The following CTIF variants were observed in gnomAD, a reference collection of about 807,000 sequenced individuals.
CTIF encodes cap binding complex dependent translation initiation factor.
CTIF carries 21 observed loss-of-function variants against 66.0 expected under a neutral mutation model. The ratio of observed to expected loss-of-function variants is 0.32; its 90% confidence interval spans 0.23 to 0.46. The LOEUF (loss-of-function observed/expected upper bound fraction) is 0.46, where lower values mean the gene tolerates loss of function less well. Among genes scored for constraint, CTIF ranks in the 20% least tolerant of loss-of-function variants. The pLI is 1.00. For missense variants in CTIF, 739 were observed against 812.7 expected, an observed-to-expected ratio of 0.91 and a Z score of 1.10; for synonymous variants, 345 against 326.4, an observed-to-expected ratio of 1.06 and a Z score of -0.62.
At chr18:48,638,143 A>C (rs1164109162) in intron 3 of CTIF, among the ~76,000 whole-genome samples, 2 of 152,158 alleles carry the variant, frequency 1.3e-5, no homozygotes, top group African/African-American at 4.8e-5. Context: ...CCTGCTCCTC[A>C]GGGGCACTGT....
At chr18:48,781,356 C>A (rs1055150544) in intron 9 of CTIF, among the ~76,000 whole-genome samples, 3 of 152,256 alleles carry the variant, frequency 2.0e-5, no homozygotes, top group Admixed American at 2.0e-4. Flanking sequence ...AGAGACTCGG[C>A]GTCACAGTCT....
intron 7 of CTIF, among the ~76,000 whole-genome samples, chr18:48,725,137 C>T (rs569966639): frequency 5.9e-5 from 9 of 152,342 alleles, no homozygotes; most frequent in Admixed American, 5.9e-4. Context: ...ACTGGCTCTG[C>T]ATGTCAGGGA....
chr18:48,652,160 G>A (rs976302853), intron 3 of CTIF, among the ~76,000 whole-genome samples: 18 of 151,072 alleles, frequency 1.2e-4, no homozygotes, highest in South Asian at 4.2e-4. Flanking sequence ...AGATAGAGAC[G>A]CAAAAAACCC....
chr18:48,842,402 A>G (rs2068966488), intron 10 of CTIF, among the ~76,000 whole-genome samples: 1 of 152,124 alleles, frequency 6.6e-6, no homozygotes, highest in South Asian at 2.1e-4. Flanking sequence ...TGTGGGTGGG[A>G]GTGCTAGAGG....
At chr18:48,562,841 C>T (rs1368409681) in intron 1 of CTIF, among the ~76,000 whole-genome samples, 1 of 152,120 alleles carries the variant, frequency 6.6e-6, no homozygotes, top group African/African-American at 2.4e-5. Flanking sequence ...GTTGCCATGC[C>T]CCACACAAAT....
At chr18:48,619,937 C>A (rs567306159) in intron 2 of CTIF, among the ~76,000 whole-genome samples, 192 bp downstream of exon 2, 6 of 152,174 alleles carry the variant, frequency 3.9e-5, no homozygotes, top group Admixed American at 1.3e-4. Context: ...CTGTGCACCC[C>A]GTCCCTCTAA....
chr18:48,779,900 C>T (rs1911050528), intron 9 of CTIF, among the ~76,000 whole-genome samples: 1 of 152,206 alleles, frequency 6.6e-6, no homozygotes, highest in Non-Finnish European at 1.5e-5. Context: ...GTGCTGGAGG[C>T]TGCAGCTCTG....
chr18:48,846,243 GCTTTTTTA>G (rs1246648037), intron 10 of CTIF, among the ~76,000 whole-genome samples: 1 of 151,992 alleles, frequency 6.6e-6, no homozygotes, highest in Admixed American at 6.5e-5. Flanking sequence ...CACATTTTTT[GCTTTTTTA>G]CATCTTTCTC....
intron 9 of CTIF, among the ~76,000 whole-genome samples, chr18:48,802,880 C>A (rs1374185628): frequency 2.0e-5 from 3 of 152,242 alleles, no homozygotes; most frequent in Non-Finnish European, 2.9e-5. Context: ...TATTCTTCAT[C>A]TGTCAGACAA....
intron 2 of CTIF, chr18:48,621,547 G>C (rs544753882): frequency 1.6e-3 from 625 of 390,558 alleles, no homozygotes; most frequent in Non-Finnish European, 2.3e-3. Context: ...CTAGAGACCA[G>C]TGAGGCAGGA....
chr18:48,621,954 G>A (rs2090501228), intron 2 of CTIF, among the ~76,000 whole-genome samples: 1 of 152,204 alleles, frequency 6.6e-6, no homozygotes, highest in Non-Finnish European at 1.5e-5. Flanking sequence ...GGAGGGAGTG[G>A]CAGGTGTGGG....
chr18:48,722,440 T>G (rs1202201134), intron 7 of CTIF, among the ~76,000 whole-genome samples: 1 of 151,782 alleles, frequency 6.6e-6, no homozygotes, highest in Non-Finnish European at 1.5e-5. Flanking sequence ...AAGCTGGTCT[T>G]GAACCCCTGG....
Position 48,704,530 on chromosome 18 carries a change from G to A in CTIF, c.508-7089G>A, listed in dbSNP as rs568099610. Among the ~76,000 whole-genome samples the A allele has an allele frequency of 6.9e-4, 105 of 152,266 alleles. 1 individual carries two copies. Among genetic ancestry groups the A allele is most frequent in the African/African-American group, 2.5e-3 (102 of 41,538 alleles). ...GGTGACTTAGAACGGAAACTTCTTG[G>A]CTCACTGTTCTGAAAGCAGAATTCC... is the stretch of plus-strand genomic sequence containing the variant. On this transcript the variant is annotated intron_variant, in intron 6 of 11. Coordinates refer to ENST00000256413, the MANE Select transcript of CTIF (RefSeq NM_014772.3).
At chr18:48,648,489 GCA>G (rs981846108) in intron 3 of CTIF, among the ~76,000 whole-genome samples, 53 of 63,034 alleles carry the variant, frequency 8.4e-4, no homozygotes, top group African/African-American at 1.8e-3. Flanking sequence ...ACACACACAC[GCA>G]CACACACACA....
chr18:48,824,762 T>C (rs1336241972), intron 10 of CTIF, among the ~76,000 whole-genome samples: 2 of 152,162 alleles, frequency 1.3e-5, no homozygotes, highest in South Asian at 4.1e-4. Flanking sequence ...TGCCTCAGCC[T>C]CTCAAGGAGC....
chr18:48,852,535 C>G (rs113996126), intron 10 of CTIF, among the ~76,000 whole-genome samples: 50 of 152,268 alleles, frequency 3.3e-4, no homozygotes, highest in African/African-American at 8.2e-4. Context: ...TGAGGGAGAC[C>G]GTTGCCTGTG....
chr18:48,699,878 C>T (rs971147333), intron 6 of CTIF, among the ~76,000 whole-genome samples: 1 of 152,236 alleles, frequency 6.6e-6, no homozygotes, highest in African/African-American at 2.4e-5. Flanking sequence ...CTAGCCAAAA[C>T]GTTTGATGCC....
At chr18:48,838,623 C>T (rs1376370066) in intron 10 of CTIF, among the ~76,000 whole-genome samples, 1 of 152,226 alleles carries the variant, frequency 6.6e-6, no homozygotes, top group Admixed American at 6.5e-5. Context: ...TACTGCACAA[C>T]CTTTGTCTCC....
At chr18:48,824,530 T>C (rs1054959613) in intron 10 of CTIF, among the ~76,000 whole-genome samples, 1 of 152,200 alleles carries the variant, frequency 6.6e-6, no homozygotes, top group Non-Finnish European at 1.5e-5. Context: ...TGTGAGGCTC[T>C]TCTAGGTTAT....
Sources: allele counts gnomAD v4.1 joint callset (sites outside exome capture counted in the v4.1 genomes callset), GRCh38; gene constraint gnomAD v4.1.1; transcripts MANE v1.5; gene names NCBI Gene and HGNC (gene_info 2026-07-23, HGNC 2026-07-21).